The following KCTD3 variants were observed in gnomAD, a reference collection of about 807,000 sequenced individuals.
The protein encoded by KCTD3 is potassium channel tetramerization domain containing 3.
A neutral mutation model predicts 85.8 loss-of-function variants in KCTD3; 41 were observed. The ratio of observed to expected loss-of-function variants is 0.48; its 90% CI spans 0.37 to 0.62. The LOEUF (loss-of-function observed/expected upper bound fraction) is 0.62. Ranked by LOEUF, KCTD3 falls within the 20% of genes least tolerant of loss-of-function variation. The pLI, the probability that KCTD3 is intolerant of heterozygous loss-of-function variation, is 0.00. For synonymous variants in KCTD3, 338 were observed against 345.4 expected, an observed-to-expected ratio of 0.98 and a Z score of 0.24; for missense variants, 724 against 989.9, an observed-to-expected ratio of 0.73 and a Z score of 3.60.
chr1:215,593,857 CTTT>C (rs11362703), intron 9 of KCTD3, among the ~76,000 whole-genome samples: 17 of 111,746 alleles, frequency 1.5e-4, no homozygotes, highest in African/African-American at 3.3e-4. Flanking sequence ...TGGAATACAA[CTTT>C]TTTTTTTTTT....
At chr1:215,576,063 G>T (rs575919110) in intron 4 of KCTD3, 89 bp downstream of exon 4, 208 of 617,756 alleles carry the variant, frequency 3.4e-4, no homozygotes, top group Admixed American at 3.6e-4. Flanking sequence ...TTTTTTGTTT[G>T]TTTTTTTTTT....
chr1:215,597,499 G>A (rs1377836909), intron 10 of KCTD3, among the ~76,000 whole-genome samples: 1 of 152,086 alleles, frequency 6.6e-6, no homozygotes, highest in Non-Finnish European at 1.5e-5. Context: ...TTGGAAGTTG[G>A]CTCTAGAAAG....
Position 215,619,300 on chromosome 1 carries a change from A to G in KCTD3, c.1886+9A>G. The G allele has an allele frequency of 6.2e-7, 1 of 1,609,340 alleles. No individual in the cohort carries two copies. Among genetic ancestry groups the G allele is most frequent in the South Asian group, 1.1e-5 (1 of 90,262 alleles). ...CGAGAATCAAATTCTAGGTAGGTTA[A>G]AGAGTTGGGTATTATAAACAAAATT... On this transcript the variant is annotated intron_variant, in intron 17 of 17. Transcript: ENST00000259154.
intron 9 of KCTD3, 119 bp from the exon 10 acceptor site, chr1:215,595,237 A>G (rs1033650211): frequency 3.1e-6 from 2 of 654,662 alleles, no homozygotes; most frequent in African/African-American, 3.6e-5. Context: ...CACGTATAGC[A>G]CATAGTTTGT....
At chr1:215,586,339 T>C (rs1440380104) in intron 8 of KCTD3, among the ~76,000 whole-genome samples, 156 bp from the exon 9 acceptor site, 1 of 152,158 alleles carries the variant, frequency 6.6e-6, no homozygotes, top group Middle Eastern at 3.2e-3. Context: ...GCAATATAGA[T>C]CAACAAAATT....
intron 9 of KCTD3, among the ~76,000 whole-genome samples, chr1:215,594,537 T>C (rs1660338916): frequency 6.6e-6 from 1 of 152,210 alleles, no homozygotes; most frequent in African/African-American, 2.4e-5. Context: ...CCAACTCAGA[T>C]GGCTTCTTTT....
In KCTD3 at chr1:215,621,503, G is replaced by T. The variant is rs1032407570; in HGVS notation, c.*885G>T. On this transcript the variant is annotated 3_prime_UTR_variant, in exon 18 of 18. Transcript: ENST00000259154. Reference sequence around the variant, plus strand: ...GTAGGACTGCAGTTCTGAATTTTGGGTTAAAGGTTTTGGCTGCTGTAAGAA... The same window carrying T: ...GTAGGACTGCAGTTCTGAATTTTGGTTTAAAGGTTTTGGCTGCTGTAAGAA... 1 of 152,060 alleles carries T rather than the reference G, an allele frequency of 6.6e-6. No homozygotes were observed. Among genetic ancestry groups the T allele is most frequent in the African/African-American group, 2.4e-5 (1 of 41,390 alleles). The allele number at this position is 152,060 out of a possible 1,614,324, so 9.4% of individuals were successfully genotyped here.
chr1:215,619,969 A>T, intron 17 of KCTD3, 88 bp from the exon 18 acceptor site: 1 of 889,762 alleles, frequency 1.1e-6, no homozygotes, highest in Non-Finnish European at 1.7e-6. Context: ...GTATTTATAT[A>T]GTGTGTTTTA....
chr1:215,611,046 T>C (rs1316430444), intron 14 of KCTD3, among the ~76,000 whole-genome samples: 1 of 152,012 alleles, frequency 6.6e-6, no homozygotes, highest in Non-Finnish European at 1.5e-5. Flanking sequence ...AGCTACTAAG[T>C]GTAATGGGAA....
At chr1:215,617,038 A>G (rs60533889) in intron 15 of KCTD3, among the ~76,000 whole-genome samples, 5,127 of 152,292 alleles carry the variant, frequency 0.034, 208 homozygotes, top group African/African-American at 0.095. Context: ...TCATGCCTAT[A>G]TAATGGAGCC....
chr1:215,579,052 T>G lies in KCTD3; in HGVS notation c.450T>G (p.Asn150Lys). 1 of 1,584,794 alleles carries G rather than the reference T, an allele frequency of 6.3e-7. No individual in the cohort carries two copies. The highest frequency in any genetic ancestry group is 8.6e-7 in the Non-Finnish European group (1 of 1,169,334). The change falls in exon 7 of 18, where the codon AAT becomes AAG. Residue 150 changes from asparagine to lysine, a missense_variant. Transcript: ENST00000259154. ...CAGTCAGATCTGCTGATTCTAGGAA[T>G]GGTCTAAATTCTACAGAAGGTGAAG... Reference protein sequence around the residue: ...NNTVRSADSRNGLNSTEGEAR... With the variant: ...NNTVRSADSRKGLNSTEGEAR...
chr1:215,605,429 C>T (rs1462958919), intron 13 of KCTD3, among the ~76,000 whole-genome samples: 1 of 152,076 alleles, frequency 6.6e-6, no homozygotes, highest in Non-Finnish European at 1.5e-5. Context: ...CTTGCTGGTT[C>T]CTCATCTTTT....
At chr1:215,568,817 G>A (rs1280839012) in intron 1 of KCTD3, among the ~76,000 whole-genome samples, 1 of 152,102 alleles carries the variant, frequency 6.6e-6, no homozygotes, top group Non-Finnish European at 1.5e-5. Flanking sequence ...ATTTAACACA[G>A]AAAACCATGG....
At chr1:215,599,304 T>C (rs1654735835) in intron 10 of KCTD3, among the ~76,000 whole-genome samples, 2 of 152,188 alleles carry the variant, frequency 1.3e-5, no homozygotes, top group South Asian at 4.1e-4. Flanking sequence ...AAGATGTTGG[T>C]AAATACGATG....
chr1:215,619,397 T>C, intron 17 of KCTD3, 106 bp downstream of exon 17: 3 of 959,690 alleles, frequency 3.1e-6, no homozygotes, highest in Non-Finnish European at 4.6e-6. Context: ...CTTCTCAAGG[T>C]ACATTTTAAA....
intron 12 of KCTD3, 33 bp downstream of exon 12, chr1:215,602,234 C>G (rs767126902): frequency 1.0e-6 from 1 of 1,002,954 alleles, no homozygotes; most frequent in African/African-American, 1.6e-5. Flanking sequence ...ACATTCTTGA[C>G]TTTTTATCTT....
At position 215,620,731 on chromosome 1, in the gene KCTD3, A is replaced by G. The variant is rs1160078402; in HGVS notation, c.*113A>G. On this transcript the variant is annotated 3_prime_UTR_variant, in exon 18 of 18. Transcript: ENST00000259154. Reference sequence around the variant, plus strand: ...ACTTTACAAGATAAAATTGGACTTCATTTAGTATCTTTTTAACAGAATTAC... The same window carrying G: ...ACTTTACAAGATAAAATTGGACTTCGTTTAGTATCTTTTTAACAGAATTAC... 7.3e-6 allele frequency: 5 copies of G among 682,792 alleles called. No individual in the cohort carries two copies. Among genetic ancestry groups the G allele is most frequent in the Non-Finnish European group, 1.2e-5 (5 of 418,168 alleles). 42.3% of individuals were successfully genotyped at this position (682,792 alleles called of 1,614,324 possible).
At chr1:215,574,953 A>G (rs1659516287) in intron 3 of KCTD3, among the ~76,000 whole-genome samples, 1 of 152,182 alleles carries the variant, frequency 6.6e-6, no homozygotes, top group African/African-American at 2.4e-5. Context: ...AATTTCCATA[A>G]AAAGTTATCA....
chr1:215,587,173 A>G (rs1660042535), intron 9 of KCTD3, among the ~76,000 whole-genome samples: 1 of 145,856 alleles, frequency 6.9e-6, no homozygotes, highest in Non-Finnish European at 1.5e-5. Context: ...TCTGTCGCCC[A>G]GGCTGTAGTG....
Sources: allele counts gnomAD v4.1 joint callset (sites outside exome capture counted in the v4.1 genomes callset), GRCh38; gene constraint gnomAD v4.1.1; transcripts MANE v1.5; gene names NCBI Gene and HGNC (gene_info 2026-07-23, HGNC 2026-07-21).